PPEF1: variants seen among roughly 807,000 people sequenced by gnomAD.
The protein encoded by PPEF1 is protein phosphatase with EF-hand domain 1, also known as serine/threonine-protein phosphatase with EF-hands 1.
In PPEF1, 12 loss-of-function variants were observed where a neutral mutation model predicts 53.3. The ratio of observed to expected loss-of-function variants is 0.23; its 90% CI spans 0.14 to 0.36. The LOEUF is 0.36. PPEF1 is among the 10% of genes least tolerant of loss of function. PPEF1 has a pLI of 1.00. For synonymous variants in PPEF1, 165 were observed against 176.7 expected, an observed-to-expected ratio of 0.93 and a Z score of 0.52; for missense variants, 334 against 490.4, an observed-to-expected ratio of 0.68 and a Z score of 3.01.
Position 18,789,117 on chromosome X carries a change from A to G in PPEF1, c.913-4A>G. ...TTGGACTAAAGCATGAATTTGTTTT[A>G]TAGATGAAATCTGTGCTGATACCAC... is the stretch of plus-strand genomic sequence containing the variant. On this transcript the variant is annotated splice_polypyrimidine_tract_variant and splice_region_variant and intron_variant, in intron 9 of 15. Coordinates refer to ENST00000470157, the MANE Select transcript of PPEF1 (RefSeq NM_001377996.1). The G allele has an allele frequency of 8.3e-7, 1 of 1,209,824 alleles. No homozygotes were observed. The highest frequency in any genetic ancestry group is 1.1e-6 in the Non-Finnish European group (1 of 894,084).
intron 2 of PPEF1, among the ~76,000 whole-genome samples, chrX:18,685,792 A>G (rs971497869): frequency 4.5e-5 from 5 of 110,792 alleles, no homozygotes; most frequent in African/African-American, 1.6e-4. Context: ...TTAGTCATAC[A>G]TTTCTAGCGT....
At chrX:18,709,622 G>C (rs1348911203) in intron 1 of PPEF1, among the ~76,000 whole-genome samples, 18 of 108,404 alleles carry the variant, frequency 1.7e-4, no homozygotes, top group Non-Finnish European at 2.3e-4. Context: ...CTCAGCCTCT[G>C]GAGTAGCTGG....
At chrX:18,747,206 G>A (rs189439016) in intron 3 of PPEF1, among the ~76,000 whole-genome samples, 19 of 111,497 alleles carry the variant, frequency 1.7e-4, no homozygotes, top group African/African-American at 4.9e-4. Flanking sequence ...GCAAGGTCCC[G>A]GGGTGACATC....
rs1485867190 is a variant in PPEF1 at position 18,684,650 on chromosome X, A to G, written c.-637-2A>G. The stretch of plus-strand genomic sequence containing the variant: ...TTTTTTTTTTTTTTTAATTTGAGGC[A>G]GAGTCTCACTCTGTCGCCCAGGCTG... On this transcript the variant is annotated splice_acceptor_variant, in intron 1 of 21. Coordinates refer to the PPEF1 transcript ENST00000361511. LOFTEE classifies it low-confidence loss of function (5UTR_SPLICE). Among the ~76,000 whole-genome samples the G allele has an allele frequency of 9.5e-6, 1 of 105,162 alleles. No individual in the cohort carries two copies. Among genetic ancestry groups the G allele is most frequent in the Admixed American group, 1.0e-4 (1 of 9,710 alleles). The allele number at this position is 105,162 out of a possible 115,157, so 91.3% of individuals were successfully genotyped here.
At chrX:18,700,539 T>A (rs1247767016) in intron 6 of PPEF1, 3 of 110,747 alleles carry the variant, frequency 2.7e-5, no homozygotes, top group Non-Finnish European at 1.9e-5. Context: ...CCTTGGAGTA[T>A]ATCTTACTGC....
intron 12 of PPEF1, among the ~76,000 whole-genome samples, chrX:18,810,381 GA>G (rs2147713963): frequency 9.0e-6 from 1 of 110,550 alleles, no homozygotes; most frequent in African/African-American, 3.3e-5. Flanking sequence ...CAGCTACGTT[GA>G]GATGTAATTT....
intron 13 of PPEF1, among the ~76,000 whole-genome samples, chrX:18,821,783 G>C (rs1423327969): frequency 9.8e-6 from 1 of 102,307 alleles, no homozygotes; most frequent in East Asian, 3.0e-4. Flanking sequence ...GAGAGAGAGA[G>C]AGAGAGAGAG....
At chrX:18,819,300 GAT>G (rs1166139501) in intron 13 of PPEF1, among the ~76,000 whole-genome samples, 1 of 112,219 alleles carries the variant, frequency 8.9e-6, no homozygotes, top group Non-Finnish European at 1.9e-5. Context: ...AAACCAAAGA[GAT>G]AGAAAATATG....
chrX:18,820,652 T>C (rs2047016261), intron 13 of PPEF1, among the ~76,000 whole-genome samples: 1 of 110,903 alleles, frequency 9.0e-6, no homozygotes, highest in Admixed American at 9.6e-5. Flanking sequence ...CCCAAAGTGC[T>C]GGGATTACAA....
chrX:18,804,191 C>A, intron 11 of PPEF1, 114 bp downstream of exon 11: 2 of 664,378 alleles, frequency 3.0e-6, no homozygotes, highest in Admixed American at 4.2e-5. Context: ...TCTCTAGTAC[C>A]AAACAGAAAC....
chrX:18,799,991 G>T, intron 10 of PPEF1, among the ~76,000 whole-genome samples: 1 of 111,809 alleles, frequency 8.9e-6, no homozygotes, highest in Non-Finnish European at 1.9e-5. Flanking sequence ...AAAAAGAAAT[G>T]CAGAACTCAG....
chrX:18,694,784 T>A (rs1354271218), intron 4 of PPEF1, among the ~76,000 whole-genome samples: 1 of 111,607 alleles, frequency 9.0e-6, no homozygotes, highest in Non-Finnish European at 1.9e-5. Flanking sequence ...TAGTGGTATC[T>A]CATGGTTTTA....
chrX:18,793,844 T>C lies in PPEF1; in HGVS notation c.1065+4571T>C, dbSNP rs774391991. Among the ~76,000 whole-genome samples the C allele has an allele frequency of 5.4e-5, 6 of 111,504 alleles. No individual in the cohort carries two copies. The South Asian group carries it at 2.3e-3, about 43-fold the overall frequency. On this transcript the variant is annotated intron_variant, in intron 10 of 15. Transcript: ENST00000470157. ...TATTTGTTGAGTGACTTGTCTGGAC[T>C]AGTTTAGTGAAGTCTATTCCCCTTC...
At chrX:18,809,650 G>T (rs2046764016) in intron 12 of PPEF1, among the ~76,000 whole-genome samples, 1 of 108,335 alleles carries the variant, frequency 9.2e-6, no homozygotes, top group Admixed American at 9.9e-5. Flanking sequence ...GGCTGCAGTG[G>T]GCCAAGACTG....
At chrX:18,735,302 G>A (rs1164524823) in intron 3 of PPEF1, among the ~76,000 whole-genome samples, 3 of 111,605 alleles carry the variant, frequency 2.7e-5, no homozygotes, top group Non-Finnish European at 5.6e-5. Context: ...ATTAATTTTT[G>A]TATAAGGTGT....
At chrX:18,776,475 G>A (rs1336117876) in intron 6 of PPEF1, among the ~76,000 whole-genome samples, 1 of 111,102 alleles carries the variant, frequency 9.0e-6, no homozygotes, top group African/African-American at 3.3e-5. Context: ...GGGCTCAAGC[G>A]ATCCGTCCAC....
intron 10 of PPEF1, among the ~76,000 whole-genome samples, chrX:18,798,871 C>G (rs1043938901): frequency 8.1e-5 from 9 of 111,282 alleles, no homozygotes; most frequent in African/African-American, 2.6e-4. Flanking sequence ...CATGATCCAC[C>G]CATCTCGGCC....
rs190108787 is a variant in PPEF1 at position 18,684,775 on chromosome X, C to T, written c.-520+6C>T. Among the ~76,000 whole-genome samples, 251 of 110,893 alleles carry T rather than the reference C, an allele frequency of 2.3e-3. 1 individual carries two copies. Among genetic ancestry groups the T allele is most frequent in the African/African-American group, 7.4e-3 (226 of 30,500 alleles). On this transcript the variant is annotated splice_donor_region_variant and intron_variant, in intron 2 of 21. Transcript: ENST00000361511. ...CCAAGTAGCTGGGATTCCAGGTATCCGCCACCACGCCTTGCTGATTTTTGT... is the reference window on the plus strand; with the variant it reads ...CCAAGTAGCTGGGATTCCAGGTATCTGCCACCACGCCTTGCTGATTTTTGT...
At chrX:18,709,777 C>T (rs910230469) in intron 1 of PPEF1, among the ~76,000 whole-genome samples, 2 of 111,726 alleles carry the variant, frequency 1.8e-5, no homozygotes, top group Admixed American at 9.5e-5. Flanking sequence ...GGATTACAGG[C>T]GTGAGCCACT....
Sources: allele counts gnomAD v4.1 joint callset (sites outside exome capture counted in the v4.1 genomes callset), GRCh38; gene constraint gnomAD v4.1.1; transcripts MANE v1.5; gene names NCBI Gene and HGNC (gene_info 2026-07-23, HGNC 2026-07-21).